Variants in BRINP3 observed in about 807,000 individuals in gnomAD.
The protein encoded by BRINP3 is BMP/retinoic acid inducible neural specific 3.
In BRINP3, 19 loss-of-function variants were observed where a neutral mutation model predicts 71.0. That is an observed-to-expected ratio of 0.27 (90% confidence interval 0.19 to 0.39). BRINP3 has a LOEUF of 0.39. Among genes scored for constraint, BRINP3 ranks in the 10% least tolerant of loss-of-function variants. The probability of loss-of-function intolerance (pLI) is 1.00; values close to 1 mark genes in which losing one functional copy is unlikely to be tolerated. For synonymous variants in BRINP3, 380 were observed against 337.7 expected, an observed-to-expected ratio of 1.13 and a Z score of -1.37; for missense variants, 959 against 940.8, an observed-to-expected ratio of 1.02 and a Z score of -0.25.
intron 7 of BRINP3, among the ~76,000 whole-genome samples, chr1:190,102,975 T>G (rs762544627): frequency 2.4e-4 from 36 of 152,094 alleles, no homozygotes; most frequent in South Asian, 2.1e-4. Context: ...TTGAAATGTT[T>G]AGACAGCTGT....
chr1:190,142,149 T>C lies in BRINP3; in HGVS notation c.1184+18519A>G, dbSNP rs546312800. Among the ~76,000 whole-genome samples the C allele has an allele frequency of 1.2e-4, 19 of 152,284 alleles. No homozygotes were observed. The East Asian group carries it at 1.4e-3, about 11-fold the overall frequency. ...TAATTGATGAATTAGACTTTATTAA[T>C]GGCAATCCACATTCTGGTTGGCCAC... is the stretch of plus-strand genomic sequence containing the variant. On this transcript the variant is annotated intron_variant, in intron 7 of 7. Transcript: ENST00000367462.
chr1:190,418,336 C>T (rs1673139308), intron 2 of BRINP3, among the ~76,000 whole-genome samples: 1 of 152,130 alleles, frequency 6.6e-6, no homozygotes, highest in Non-Finnish European at 1.5e-5. Context: ...CAGGTATGAG[C>T]CACTGCCCAG....
intron 2 of BRINP3, among the ~76,000 whole-genome samples, chr1:190,287,520 G>T (rs971537882): frequency 6.6e-6 from 1 of 151,964 alleles, no homozygotes; most frequent in African/African-American, 2.4e-5. Context: ...TTAGCAGAAT[G>T]AATCTATTCC....
At chr1:190,347,369 T>C (rs1418351930) in intron 2 of BRINP3, among the ~76,000 whole-genome samples, 2 of 152,132 alleles carry the variant, frequency 1.3e-5, no homozygotes, top group African/African-American at 2.4e-5. Flanking sequence ...CTCAATCTCC[T>C]GACCTCATGA....
At chr1:190,420,651 T>G (rs1328464257) in intron 2 of BRINP3, among the ~76,000 whole-genome samples, 1 of 152,004 alleles carries the variant, frequency 6.6e-6, no homozygotes, top group African/African-American at 2.4e-5. Context: ...GCAACTTTCA[T>G]GCTCCAATTG....
intron 2 of BRINP3, among the ~76,000 whole-genome samples, chr1:190,398,353 T>C (rs1671714109): frequency 6.6e-6 from 1 of 151,994 alleles, no homozygotes; most frequent in Non-Finnish European, 1.5e-5. Flanking sequence ...TATATCTAAA[T>C]ATAGCTTACA....
At chr1:190,441,788 A>G (rs1674840033) in intron 2 of BRINP3, among the ~76,000 whole-genome samples, 1 of 152,136 alleles carries the variant, frequency 6.6e-6, no homozygotes, top group African/African-American at 2.4e-5. Flanking sequence ...ATAGTACTTC[A>G]ATAAAAGAGA....
chr1:190,198,799 T>G (rs1170944569), intron 6 of BRINP3, among the ~76,000 whole-genome samples: 1 of 152,166 alleles, frequency 6.6e-6, no homozygotes, highest in Non-Finnish European at 1.5e-5. Flanking sequence ...AGTTCCAAAC[T>G]TTCCTATACC....
chr1:190,255,764 T>G (rs555619259), intron 4 of BRINP3, among the ~76,000 whole-genome samples: 1 of 152,076 alleles, frequency 6.6e-6, no homozygotes, highest in African/African-American at 2.4e-5. Context: ...GAAGGGTTTT[T>G]TGGGTCTCTC....
intron 6 of BRINP3, among the ~76,000 whole-genome samples, chr1:190,171,059 A>G (rs535634540): frequency 3.9e-5 from 6 of 152,262 alleles, no homozygotes; most frequent in African/African-American, 1.2e-4. Context: ...CTGAAACTCA[A>G]TTGAAGCCAT....
At chr1:190,336,834 C>CTCT (rs1667315663) in intron 2 of BRINP3, among the ~76,000 whole-genome samples, 1 of 99,308 alleles carries the variant, frequency 1.0e-5, no homozygotes, top group Non-Finnish European at 2.1e-5. Flanking sequence ...TTCCCTCCCT[C>CTCT]CCTCCTTCCT....
chr1:190,278,668 A>G (rs1662806970), intron 3 of BRINP3, among the ~76,000 whole-genome samples: 1 of 151,696 alleles, frequency 6.6e-6, no homozygotes, highest in South Asian at 2.1e-4. Flanking sequence ...AAACTATGAA[A>G]ACTCAATCCA....
intron 2 of BRINP3, among the ~76,000 whole-genome samples, chr1:190,390,279 C>T (rs1183904522): frequency 1.1e-4 from 16 of 151,550 alleles, no homozygotes; most frequent in Non-Finnish European, 2.9e-5. Flanking sequence ...ATTCTCGAAT[C>T]TGGAAAGATT....
intron 2 of BRINP3, among the ~76,000 whole-genome samples, chr1:190,292,781 T>C (rs1483054817): frequency 6.6e-6 from 1 of 152,124 alleles, no homozygotes; most frequent in Non-Finnish European, 1.5e-5. Flanking sequence ...TATAGGTAAG[T>C]TGTATTTTTC....
At chr1:190,226,793 G>GGTAA (rs1384868936) in intron 5 of BRINP3, among the ~76,000 whole-genome samples, 1 of 151,808 alleles carries the variant, frequency 6.6e-6, no homozygotes, top group Non-Finnish European at 1.5e-5. Flanking sequence ...GAATGTTGAT[G>GGTAA]GTAAGGCTTA....
intron 4 of BRINP3, among the ~76,000 whole-genome samples, chr1:190,240,946 T>A (rs1372956918): frequency 1.3e-5 from 2 of 151,260 alleles, no homozygotes; most frequent in Non-Finnish European, 2.9e-5. Flanking sequence ...CTTTAATTTA[T>A]TTTATTTTAC....
At chr1:190,365,775 A>T (rs1669451177) in intron 2 of BRINP3, among the ~76,000 whole-genome samples, 1 of 143,636 alleles carries the variant, frequency 7.0e-6, no homozygotes, top group Non-Finnish European at 1.5e-5. Flanking sequence ...TAAAATATAA[A>T]TGCTGCGAAG....
In BRINP3 at chr1:190,451,578, C is replaced by CT. The variant is rs879267060; in HGVS notation, c.236+3076dup. Among the ~76,000 whole-genome samples the CT allele has an allele frequency of 3.9e-3, 572 of 146,420 alleles. 3 individuals carry two copies. Among genetic ancestry groups the CT allele is most frequent in the African/African-American group, 0.012 (462 of 40,142 alleles). On this transcript the variant is annotated intron_variant, in intron 2 of 7. Transcript: ENST00000367462. The stretch of plus-strand genomic sequence containing the variant: ...AAACTAAAAACACTTTTAGAAATGC[C>CT]TTTTTTTTTTTAAATGAGGCAACAA...
intron 2 of BRINP3, among the ~76,000 whole-genome samples, chr1:190,366,098 T>C (rs1464514618): frequency 1.4e-5 from 2 of 145,858 alleles, no homozygotes; most frequent in African/African-American, 5.0e-5. Context: ...GATCGAATAA[T>C]TGGAAATTTT....
Sources: allele counts gnomAD v4.1 joint callset (sites outside exome capture counted in the v4.1 genomes callset), GRCh38; gene constraint gnomAD v4.1.1; transcripts MANE v1.5; gene names NCBI Gene and HGNC (gene_info 2026-07-23, HGNC 2026-07-21).